Variants in GRID2 observed in about 807,000 individuals in gnomAD.
GRID2 encodes glutamate receptor ionotropic, delta-2.
Under a neutral mutation model 114.8 loss-of-function variants are expected in GRID2, and 33 were observed. The ratio of observed to expected loss-of-function variants is 0.29; its 90% CI spans 0.22 to 0.38. GRID2 has a LOEUF of 0.38. Ranked by LOEUF, GRID2 falls within the 10% of genes least tolerant of loss-of-function variation. The probability of loss-of-function intolerance (pLI) is 1.00; values close to 1 mark genes in which losing one functional copy is unlikely to be tolerated. For synonymous variants in GRID2, 505 were observed against 449.9 expected (o/e 1.12, Z -1.55); for missense variants, 1,184 against 1,257.7 (o/e 0.94, Z 0.89).
At chr4:92,751,332 A>T (rs935354845) in intron 2 of GRID2, among the ~76,000 whole-genome samples, 3 of 152,176 alleles carry the variant, frequency 2.0e-5, no homozygotes, top group Admixed American at 2.0e-4. Flanking sequence ...TAAATAAAAA[A>T]TAGCCATCTT....
At chr4:92,698,579 A>G (rs999022028) in intron 2 of GRID2, among the ~76,000 whole-genome samples, 5 of 152,012 alleles carry the variant, frequency 3.3e-5, no homozygotes, top group Non-Finnish European at 4.4e-5. Flanking sequence ...TAATTTTTAT[A>G]CTTTTAGAAA....
chr4:92,661,077 A>G (rs1024673744), intron 2 of GRID2, among the ~76,000 whole-genome samples: 3 of 150,806 alleles, frequency 2.0e-5, no homozygotes, highest in Non-Finnish European at 3.0e-5. Context: ...GGCAGAGTGT[A>G]TCATTATCAG....
intron 13 of GRID2, among the ~76,000 whole-genome samples, chr4:93,613,234 C>T (rs1216297755): frequency 2.8e-5 from 4 of 143,214 alleles, no homozygotes; most frequent in Admixed American, 1.4e-4. Context: ...TCAAAGTTTT[C>T]AACTTCTTTG....
chr4:93,778,947 C>G (rs1734425187), downstream of GRID2, among the ~76,000 whole-genome samples: 1 of 152,070 alleles, frequency 6.6e-6, no homozygotes, highest in Non-Finnish European at 1.5e-5. Flanking sequence ...AATTGGGACT[C>G]TCAGATTGTA....
chr4:92,813,404 G>C (rs1740743457), intron 2 of GRID2, among the ~76,000 whole-genome samples: 1 of 152,068 alleles, frequency 6.6e-6, no homozygotes, highest in Non-Finnish European at 1.5e-5. Context: ...TCATTAATAG[G>C]TTCTACTTAA....
chr4:92,817,350 C>T (rs1444259975), intron 2 of GRID2, among the ~76,000 whole-genome samples: 1 of 152,150 alleles, frequency 6.6e-6, no homozygotes, highest in South Asian at 2.1e-4. Context: ...CTCTACAAAA[C>T]TTTTAATACC....
chr4:93,726,905 T>C (rs1164825025), intron 14 of GRID2, among the ~76,000 whole-genome samples: 1 of 152,224 alleles, frequency 6.6e-6, no homozygotes, highest in East Asian at 1.9e-4. Flanking sequence ...TGGGGTTCTC[T>C]AGATATACAA....
At chr4:93,591,855 T>C (rs1276204227) in intron 13 of GRID2, among the ~76,000 whole-genome samples, 2 of 152,216 alleles carry the variant, frequency 1.3e-5, no homozygotes, top group Non-Finnish European at 2.9e-5. Flanking sequence ...GAGGTGTTTA[T>C]AGTATTCTCT....
chr4:93,011,787 T>G (rs2149232529), intron 2 of GRID2, among the ~76,000 whole-genome samples: 1 of 152,228 alleles, frequency 6.6e-6, no homozygotes, highest in South Asian at 2.1e-4. Flanking sequence ...TAATTATAAC[T>G]TCTGGAGCTG....
At chr4:92,477,921 CTG>C (rs955372169) in intron 1 of GRID2, among the ~76,000 whole-genome samples, 8 of 149,992 alleles carry the variant, frequency 5.3e-5, no homozygotes, top group Admixed American at 2.0e-4. Flanking sequence ...ATACCATAAA[CTG>C]TGTTATTGGT....
chr4:93,760,392 C>T (rs1240806114), intron 14 of GRID2, among the ~76,000 whole-genome samples: 1 of 152,118 alleles, frequency 6.6e-6, no homozygotes, highest in African/African-American at 2.4e-5. Context: ...TAAACCAGAT[C>T]TGACCGATTA....
At chr4:93,175,854 C>T (rs2149428725) in intron 4 of GRID2, among the ~76,000 whole-genome samples, 1 of 152,124 alleles carries the variant, frequency 6.6e-6, no homozygotes, top group Middle Eastern at 3.4e-3. Flanking sequence ...AGAAGCTGTC[C>T]CAGTTTTCCC....
At chr4:93,508,087 G>A (rs1188000344) in intron 12 of GRID2, among the ~76,000 whole-genome samples, 5 of 151,952 alleles carry the variant, frequency 3.3e-5, no homozygotes, top group Admixed American at 2.0e-4. Context: ...CAGCACACCA[G>A]CATGGCACAT....
intron 2 of GRID2, among the ~76,000 whole-genome samples, chr4:92,842,455 T>C (rs1742979753): frequency 1.3e-5 from 2 of 152,130 alleles, no homozygotes; most frequent in Admixed American, 6.6e-5. Flanking sequence ...ATGAGGAAAT[T>C]TCATATGCTT....
At chr4:92,861,925 G>A (rs1744561130) in intron 2 of GRID2, among the ~76,000 whole-genome samples, 1 of 151,746 alleles carries the variant, frequency 6.6e-6, no homozygotes, top group Non-Finnish European at 1.5e-5. Context: ...AATTATCTCT[G>A]TTGCTTATGT....
chr4:93,395,701 C>G lies in GRID2; in HGVS notation c.1340C>G (p.Thr447Ser). ...CGTGGAGTGGTTCTACGTGTAGTAA[C>G]TGTTCTGGTAAGTATTATCTGAGCC... ...NMRGVVLRVV[T>S]VLEEPFVMVS... Residue 447 changes from threonine to serine, a missense_variant, in exon 9 of 16, where the codon ACT (threonine) becomes AGT (serine). By Grantham distance (58) the Thr-to-Ser change is moderately conservative. This residue lies in a region of GRID2 where 717 missense variants were observed against 796.9 expected (regional missense o/e 0.90). Transcript: ENST00000282020. 1 of 1,450,832 alleles carries G rather than the reference C, an allele frequency of 6.9e-7. No individual in the cohort carries two copies. Among genetic ancestry groups the G allele is most frequent in the Non-Finnish European group, 9.7e-7 (1 of 1,032,650 alleles). 89.9% of individuals were successfully genotyped at this position (1,450,832 alleles called of 1,614,324 possible).
intron 1 of GRID2, among the ~76,000 whole-genome samples, chr4:92,336,951 GTTGTT>G (rs1278405096): frequency 6.0e-5 from 1 of 16,552 alleles, no homozygotes; most frequent in African/African-American, 1.4e-4. Flanking sequence ...GTCTTTCGTT[GTTGTT>G]TTTTTTTTTT....
At chr4:92,383,527 T>A (rs1729717945) in intron 1 of GRID2, among the ~76,000 whole-genome samples, 1 of 151,950 alleles carries the variant, frequency 6.6e-6, no homozygotes, top group Non-Finnish European at 1.5e-5. Context: ...TTGGAATTTA[T>A]CCCAGGGGTA....
chr4:92,794,243 C>G lies in GRID2; in HGVS notation c.244+203957C>G, dbSNP rs77934367. Reference sequence around the variant, plus strand: ...TGATCCTCCCAAACTGGTGAGATTACAGGCATGAGCCACCACAAAAACTTT... The same window carrying G: ...TGATCCTCCCAAACTGGTGAGATTAGAGGCATGAGCCACCACAAAAACTTT... On this transcript the variant is annotated intron_variant, in intron 2 of 15. Coordinates refer to ENST00000282020, the MANE Select transcript of GRID2 (RefSeq NM_001510.4). 3.3e-3 allele frequency among the ~76,000 whole-genome samples: 498 copies of G among 151,876 alleles called. 4 individuals carry two copies. The highest frequency in any genetic ancestry group is 0.011 in the African/African-American group (465 of 41,474).
Sources: gnomAD v4.1 joint callset for allele counts (sites outside exome capture counted in the v4.1 genomes callset) on GRCh38, gnomAD v4.1.1 for gene constraint, gnomAD v4.1.1 regional missense constraint, MANE v1.5 for transcripts, NCBI Gene and HGNC (gene_info 2026-07-23, HGNC 2026-07-21) for gene names.